ADCY9: variants seen among roughly 807,000 people sequenced by gnomAD.
The protein encoded by ADCY9 is adenylate cyclase type 9.
A neutral mutation model predicts 101.5 loss-of-function variants in ADCY9; 50 were observed. The ratio of observed to expected loss-of-function variants is 0.49; its 90% CI spans 0.39 to 0.62. ADCY9 has a LOEUF of 0.62. Ranked by LOEUF, ADCY9 falls within the 20% of genes least tolerant of loss-of-function variation. The pLI is 0.00. For missense variants in ADCY9, 1,662 were observed against 1,800.4 expected, an observed-to-expected ratio of 0.92 and a Z score of 1.39; for synonymous variants, 905 against 769.3, an observed-to-expected ratio of 1.18 and a Z score of -2.92.
Position 3,979,409 on chromosome 16 carries a change from G to A in ADCY9, c.2520-134C>T. 1.1e-5 allele frequency: 11 copies of A among 1,038,440 alleles called. No individual in the cohort carries two copies. In the South Asian group the frequency reaches 1.7e-4, roughly 16 times the overall value. 64.3% of individuals were successfully genotyped at this position (1,038,440 alleles called of 1,614,324 possible). A position where few individuals can be genotyped will look rare whatever the true frequency, so the allele number is the denominator to read the frequency against. On this transcript the variant is annotated intron_variant, in intron 7 of 10. Transcript: ENST00000294016. ...TGCCCCTGGGATGGGCGTGAGAGCAGGCGTGGGGTGGGAGTCTACCTCCCT... is the reference window on the plus strand; with the variant it reads ...TGCCCCTGGGATGGGCGTGAGAGCAAGCGTGGGGTGGGAGTCTACCTCCCT...
intron 3 of ADCY9, among the ~76,000 whole-genome samples, chr16:3,995,917 C>T (rs1342945271): frequency 6.6e-6 from 1 of 152,128 alleles, no homozygotes; most frequent in Non-Finnish European, 1.5e-5. Flanking sequence ...CATTAATTAA[C>T]ATATCTGAGC....
intron 10 of ADCY9, among the ~76,000 whole-genome samples, chr16:3,973,719 C>T (rs1022025652): frequency 2.0e-5 from 3 of 152,078 alleles, no homozygotes; most frequent in African/African-American, 7.2e-5. Context: ...TCTAGAACTC[C>T]AGGCCTCAAG....
At chr16:4,000,503 T>G (rs887519650) in intron 3 of ADCY9, among the ~76,000 whole-genome samples, 1 of 152,086 alleles carries the variant, frequency 6.6e-6, no homozygotes, top group Non-Finnish European at 1.5e-5. Flanking sequence ...TAATGCAACA[T>G]TAGAGAAAAA....
In ADCY9 at chr16:4,028,694, C is replaced by T. The variant is rs527236280; in HGVS notation, c.1694-21136G>A. Among the ~76,000 whole-genome samples, 5 of 152,268 alleles carry T rather than the reference C, an allele frequency of 3.3e-5. 1 individual carries two copies. The South Asian group carries it at 6.2e-4, about 19-fold the overall frequency. On this transcript the variant is annotated intron_variant, in intron 2 of 10. Transcript: ENST00000294016. ...AATTTTCTAAAAATAAAATTGTATA[C>T]TTTTCACAGCTGAGCTTCATAGTGT... is the stretch of plus-strand genomic sequence containing the variant.
chr16:4,041,751 TTTTG>T (rs1156508686), intron 2 of ADCY9, among the ~76,000 whole-genome samples: 1 of 149,332 alleles, frequency 6.7e-6, no homozygotes, highest in Non-Finnish European at 1.5e-5. Context: ...ATCTGATTTT[TTTTG>T]TTTTTTTTTT....
chr16:4,071,332 CAAAAAAA>C (rs530420293), intron 2 of ADCY9, among the ~76,000 whole-genome samples: 7 of 70,524 alleles, frequency 9.9e-5, no homozygotes, highest in Non-Finnish European at 1.6e-4. Flanking sequence ...ACTCAGTCTC[CAAAAAAA>C]AAAAAAAAAA....
chr16:4,097,547 A>ATTTTTTT (rs1393767540), intron 2 of ADCY9, among the ~76,000 whole-genome samples: 1 of 46,692 alleles, frequency 2.1e-5, no homozygotes, highest in Non-Finnish European at 3.8e-5. Flanking sequence ...ATATATATAT[A>ATTTTTTT]TATATATTTT....
chr16:4,004,920 G>A (rs1001436470), intron 3 of ADCY9, among the ~76,000 whole-genome samples: 4 of 152,080 alleles, frequency 2.6e-5, no homozygotes, highest in East Asian at 1.9e-4. Flanking sequence ...GAAAATCTAC[G>A]CATGCTCCTT....
chr16:3,976,618 A>T (rs1267406651), intron 9 of ADCY9, among the ~76,000 whole-genome samples: 1 of 152,150 alleles, frequency 6.6e-6, no homozygotes, highest in Non-Finnish European at 1.5e-5. Context: ...CATTAATCCT[A>T]CGTCTCATGA....
intron 2 of ADCY9, among the ~76,000 whole-genome samples, chr16:4,011,085 G>A (rs904481508): frequency 6.6e-6 from 1 of 152,122 alleles, no homozygotes; most frequent in Non-Finnish European, 1.5e-5. Flanking sequence ...GAGACGGACG[G>A]ATCAGCACCC....
At chr16:4,097,487 T>TATATATATAGATACACACAC (rs76750792) in intron 2 of ADCY9, among the ~76,000 whole-genome samples, 1 of 72,508 alleles carries the variant, frequency 1.4e-5, no homozygotes, top group Non-Finnish European at 2.7e-5. Context: ...TATATATATA[T>TATATATATAGATACACACAC]ACACACACAC....
chr16:3,978,182 T>TGCAGGTGTGGGAAATG (rs1366430290), intron 8 of ADCY9, among the ~76,000 whole-genome samples: 1 of 152,206 alleles, frequency 6.6e-6, no homozygotes, highest in African/African-American at 2.4e-5. Context: ...CACACTCTTC[T>TGCAGGTGTGGGAAATG]GCAGGTGTGG....
chr16:3,994,587 C>G (rs1415279254), intron 3 of ADCY9, among the ~76,000 whole-genome samples: 1 of 152,220 alleles, frequency 6.6e-6, no homozygotes, highest in East Asian at 1.9e-4. Flanking sequence ...TCCTGAGTAG[C>G]TGCGATTACA....
intron 5 of ADCY9, among the ~76,000 whole-genome samples, chr16:3,954,817 C>A (rs2055899018): frequency 6.6e-6 from 1 of 152,148 alleles, no homozygotes; most frequent in African/African-American, 2.4e-5. Context: ...GTGTGTGAGG[C>A]AGTGACAGAG....
At chr16:4,071,332 C>CAAAAAAAAAAAAAAAAAAA (rs530420293) in intron 2 of ADCY9, among the ~76,000 whole-genome samples, 12 of 70,528 alleles carry the variant, frequency 1.7e-4, no homozygotes, top group Non-Finnish European at 2.6e-4. Flanking sequence ...ACTCAGTCTC[C>CAAAAAAAAAAAAAAAAAAA]AAAAAAAAAA....
chr16:3,989,874 A>G (rs2056230426), intron 5 of ADCY9, among the ~76,000 whole-genome samples: 1 of 152,216 alleles, frequency 6.6e-6, no homozygotes, highest in Non-Finnish European at 1.5e-5. Flanking sequence ...TTGCCACCGT[A>G]AAAGCTAACA....
intron 2 of ADCY9, among the ~76,000 whole-genome samples, chr16:4,105,019 A>T (rs971500908): frequency 1.1e-4 from 16 of 151,306 alleles, no homozygotes; most frequent in African/African-American, 3.6e-4. Context: ...CAGTAAGCCG[A>T]GATCGTGCCA....
At chr16:3,986,368 G>A (rs978949934) in intron 6 of ADCY9, among the ~76,000 whole-genome samples, 2 of 151,960 alleles carry the variant, frequency 1.3e-5, no homozygotes, top group African/African-American at 4.8e-5. Flanking sequence ...CCTGAGTTTC[G>A]GTAACAGCCT....
At chr16:4,075,758 G>A (rs1345158853) in intron 2 of ADCY9, among the ~76,000 whole-genome samples, 4 of 152,138 alleles carry the variant, frequency 2.6e-5, no homozygotes, top group African/African-American at 9.7e-5. Flanking sequence ...GGGGGGCCAG[G>A]CGGGAGGGCT....
Sources: gnomAD v4.1 joint callset for allele counts (sites outside exome capture counted in the v4.1 genomes callset) on GRCh38, gnomAD v4.1.1 for gene constraint, MANE v1.5 for transcripts, NCBI Gene and HGNC (gene_info 2026-07-23, HGNC 2026-07-21) for gene names.